DLC1: variants seen among roughly 807,000 people sequenced by gnomAD.
DLC1 encodes the protein rho GTPase-activating protein 7.
Under a neutral mutation model 140.3 loss-of-function variants are expected in DLC1, and 54 were observed. The ratio of observed to expected loss-of-function variants is 0.38; its 90% confidence interval spans 0.31 to 0.48. The LOEUF (loss-of-function observed/expected upper bound fraction) is 0.48, where lower values mean the gene tolerates loss of function less well. DLC1 is among the 20% of genes least tolerant of loss of function. The pLI is 0.96. For synonymous variants in DLC1, 986 were observed against 728.1 expected, an observed-to-expected ratio of 1.35 and a Z score of -5.70; for missense variants, 2,536 against 1,907.0, an observed-to-expected ratio of 1.33 and a Z score of -6.14.
In DLC1 at chr8:13,447,417, T is replaced by G. The variant is rs866874292; in HGVS notation, c.1024-45798A>C. ...GAACCAGGTTTTGTTCAGGCAAATATGTGGCTGTGGGGACTTGCTTTGCCA... is the reference window on the plus strand; with the variant it reads ...GAACCAGGTTTTGTTCAGGCAAATAGGTGGCTGTGGGGACTTGCTTTGCCA... On this transcript the variant is annotated intron_variant, in intron 2 of 17. Coordinates refer to ENST00000276297, the MANE Select transcript of DLC1 (RefSeq NM_182643.3). Among the ~76,000 whole-genome samples, 14 of 152,346 alleles carry G rather than the reference T, an allele frequency of 9.2e-5. No individual in the cohort carries two copies. The South Asian group carries it at 1.7e-3, about 18-fold the overall frequency.
chr8:13,494,603 T>C (rs1801414772), intron 2 of DLC1, among the ~76,000 whole-genome samples: 1 of 152,138 alleles, frequency 6.6e-6, no homozygotes, highest in Non-Finnish European at 1.5e-5. Context: ...AAATATGTCA[T>C]TTGAACCACT....
intron 5 of DLC1, among the ~76,000 whole-genome samples, chr8:13,156,524 T>A (rs947554945): frequency 1.3e-5 from 2 of 152,206 alleles, no homozygotes; most frequent in African/African-American, 2.4e-5. Flanking sequence ...CTATCAAATA[T>A]TTTCTCTCGG....
At chr8:13,381,422 G>A (rs563908398) in intron 4 of DLC1, among the ~76,000 whole-genome samples, 2 of 152,334 alleles carry the variant, frequency 1.3e-5, no homozygotes, top group East Asian at 1.9e-4. Context: ...GTGTGTCCTG[G>A]TAGATATGTC....
At chr8:13,432,942 CTTTTTTTTTTTTTT>C (rs35776848) in intron 2 of DLC1, among the ~76,000 whole-genome samples, 1 of 93,016 alleles carries the variant, frequency 1.1e-5, no homozygotes. Context: ...TCCTCTCTTC[CTTTTTTTTTTTTTT>C]TTTTTTTTTC....
chr8:13,120,897 C>T (rs1821006456), intron 5 of DLC1, among the ~76,000 whole-genome samples: 3 of 152,084 alleles, frequency 2.0e-5, no homozygotes, highest in Non-Finnish European at 4.4e-5. Flanking sequence ...AACAAAAACT[C>T]CCCACCCCCA....
At chr8:13,432,891 C>G (rs1585098548) in intron 2 of DLC1, among the ~76,000 whole-genome samples, 1 of 149,238 alleles carries the variant, frequency 6.7e-6, no homozygotes, top group East Asian at 2.0e-4. Flanking sequence ...GTGTGGTGCT[C>G]TACTGCTGGG....
At chr8:13,276,805 A>G (rs926279621) in intron 5 of DLC1, 6 of 145,032 alleles carry the variant, frequency 4.1e-5, no homozygotes, top group Non-Finnish European at 9.1e-5. Context: ...GCAAGCACGC[A>G]GGGGAGGTGG....
chr8:13,588,676 G>A (rs1805413919), intron 1 of DLC1, among the ~76,000 whole-genome samples: 1 of 151,978 alleles, frequency 6.6e-6, no homozygotes, highest in African/African-American at 2.4e-5. Flanking sequence ...TCTAACTTTT[G>A]GCTCAATATA....
At chr8:13,374,599 A>G (rs1343075774) in intron 4 of DLC1, among the ~76,000 whole-genome samples, 1 of 152,202 alleles carries the variant, frequency 6.6e-6, no homozygotes, top group Non-Finnish European at 1.5e-5. Context: ...CGTGGCCAAC[A>G]TGGTGAAACC....
At chr8:13,257,358 G>T (rs1830276799) in intron 5 of DLC1, among the ~76,000 whole-genome samples, 1 of 149,734 alleles carries the variant, frequency 6.7e-6, no homozygotes, top group Admixed American at 6.7e-5. Flanking sequence ...GATCACTTGA[G>T]CCCCAGGGTT....
At chr8:13,329,963 T>G (rs778719604) in intron 4 of DLC1, among the ~76,000 whole-genome samples, 1 of 152,152 alleles carries the variant, frequency 6.6e-6, no homozygotes, top group African/African-American at 2.4e-5. Context: ...GTTTATTTTT[T>G]ATTTTTATTT....
At chr8:13,287,421 C>A (rs544575703) in intron 5 of DLC1, among the ~76,000 whole-genome samples, 1 of 151,948 alleles carries the variant, frequency 6.6e-6, no homozygotes, top group Non-Finnish European at 1.5e-5. Flanking sequence ...TATTTTAAAA[C>A]AGTACGGGTT....
At chr8:13,271,945 G>C (rs1179077510) in intron 5 of DLC1, among the ~76,000 whole-genome samples, 1 of 152,220 alleles carries the variant, frequency 6.6e-6, no homozygotes, top group East Asian at 1.9e-4. Context: ...AAATTGTTGG[G>C]ATTACAGGCG....
intron 5 of DLC1, 31 bp downstream of exon 5, chr8:13,305,238 G>A: frequency 6.2e-7 from 1 of 1,605,296 alleles, no homozygotes; most frequent in Non-Finnish European, 8.5e-7. Context: ...AAATAGATTG[G>A]CGAGAAAACA....
intron 15 of DLC1, among the ~76,000 whole-genome samples, chr8:13,089,847 C>G (rs1296499039): frequency 1.3e-5 from 2 of 152,130 alleles, no homozygotes; most frequent in African/African-American, 2.4e-5. Context: ...CTAAGGGATC[C>G]CCGCTCATTA....
chr8:13,241,414 AT>A (rs142158715), intron 5 of DLC1, among the ~76,000 whole-genome samples: 1,743 of 152,048 alleles, frequency 0.011, 20 homozygotes, highest in Non-Finnish European at 0.015. Flanking sequence ...TTTGGGGTAC[AT>A]TTTTTTCCCT....
intron 5 of DLC1, among the ~76,000 whole-genome samples, chr8:13,185,473 A>C (rs559026398): frequency 2.0e-5 from 3 of 151,568 alleles, no homozygotes; most frequent in African/African-American, 7.3e-5. Context: ...ACGCCCGGCT[A>C]ATTTTTTGTA....
At chr8:13,501,151 A>C (rs980145815) in intron 1 of DLC1, among the ~76,000 whole-genome samples, 16 of 152,226 alleles carry the variant, frequency 1.1e-4, no homozygotes, top group African/African-American at 3.6e-4. Flanking sequence ...TATTCTTCAG[A>C]AACTTCAGTC....
intron 4 of DLC1, among the ~76,000 whole-genome samples, chr8:13,331,551 T>C (rs1043857463): frequency 2.6e-5 from 4 of 152,138 alleles, no homozygotes; most frequent in African/African-American, 4.8e-5. Context: ...TATGTGTAAT[T>C]TTGTCACATA....
Sources: gnomAD v4.1 joint callset for allele counts (sites outside exome capture counted in the v4.1 genomes callset) on GRCh38, gnomAD v4.1.1 for gene constraint, MANE v1.5 for transcripts, NCBI Gene and HGNC (gene_info 2026-07-23, HGNC 2026-07-21) for gene names.